Variants in DNAH12 observed in about 807,000 individuals in gnomAD.
DNAH12 encodes axonemal beta dynein heavy chain 12.
DNAH12 carries 285 observed loss-of-function variants against 371.5 expected under a neutral mutation model. The ratio of observed to expected loss-of-function variants is 0.77; its 90% confidence interval spans 0.70 to 0.85. The LOEUF (loss-of-function observed/expected upper bound fraction) is 0.85, where lower values mean the gene tolerates loss of function less well. Ranked by LOEUF, DNAH12 falls within the 40% of genes least tolerant of loss-of-function variation. The pLI, the probability that DNAH12 is intolerant of heterozygous loss-of-function variation, is 0.00. For synonymous variants in DNAH12, 1,200 were observed against 1,213.0 expected, an observed-to-expected ratio of 0.99 and a Z score of 0.22; for missense variants, 3,611 against 3,689.4, an observed-to-expected ratio of 0.98 and a Z score of 0.55.
intron 32 of DNAH12, among the ~76,000 whole-genome samples, chr3:57,432,903 T>C (rs896579570): frequency 6.6e-5 from 10 of 151,738 alleles, no homozygotes; most frequent in Admixed American, 5.9e-4. Flanking sequence ...TTATACCTTA[T>C]ATATGTTGTC....
intron 13 of DNAH12, among the ~76,000 whole-genome samples, chr3:57,481,039 TA>T (rs1475836869): frequency 1.3e-5 from 2 of 152,166 alleles, no homozygotes; most frequent in Non-Finnish European, 2.9e-5. Flanking sequence ...TCACCACTCC[TA>T]TTCAACAAAG....
At position 57,309,221 on chromosome 3, in the gene DNAH12, G is replaced by T. The variant is rs776618725; in HGVS notation, c.11119C>A (p.Arg3707=). The change falls in exon 69 of 74, where the codon CGG becomes AGG. Residue 3707 remains arginine (R), a synonymous_variant. Transcript: ENST00000495027. ...TCTTCATATCTCACAGGATACTTCC[G>T]TAGTGCCATTTCAATGTCGAAATCA... The part of the protein sequence containing the change: ...PSDFDIEMAL[R]KYPVRYEESM... 6.5e-7 allele frequency: 1 copy of T among 1,549,578 alleles called. No individual in the cohort carries two copies. The highest frequency in any genetic ancestry group is 8.7e-7 in the Non-Finnish European group (1 of 1,146,538).
intron 34 of DNAH12, 129 bp downstream of exon 34, chr3:57,428,504 C>T (rs569433261): frequency 6.6e-6 from 10 of 1,526,666 alleles, no homozygotes; most frequent in Admixed American, 4.6e-5. Flanking sequence ...ATAAAACCAA[C>T]GGTGGATAGT....
At chr3:57,400,294 A>C (rs1420172739) in intron 43 of DNAH12, among the ~76,000 whole-genome samples, 2 of 152,184 alleles carry the variant, frequency 1.3e-5, no homozygotes, top group Admixed American at 6.5e-5. Context: ...TAAAAAAAAA[A>C]ATTATATGTG....
chr3:57,432,565 T>C (rs546883581), intron 32 of DNAH12, among the ~76,000 whole-genome samples: 3 of 152,260 alleles, frequency 2.0e-5, no homozygotes, highest in South Asian at 4.2e-4. Context: ...TAATCTGTGA[T>C]ATATTCACAC....
chr3:57,324,601 C>T (rs892995387), intron 62 of DNAH12, among the ~76,000 whole-genome samples: 4 of 152,070 alleles, frequency 2.6e-5, no homozygotes, highest in Admixed American at 6.6e-5. Context: ...CCAAGATGGC[C>T]GAATAGGAAC....
chr3:57,471,230 T>G (rs570355262), intron 15 of DNAH12, among the ~76,000 whole-genome samples: 33 of 151,902 alleles, frequency 2.2e-4, no homozygotes, highest in Non-Finnish European at 3.4e-4. Flanking sequence ...GGCACATGCC[T>G]GTTAGTCCCA....
intron 60 of DNAH12, among the ~76,000 whole-genome samples, chr3:57,349,667 C>A (rs1012981147): frequency 6.6e-6 from 1 of 152,026 alleles, no homozygotes; most frequent in Non-Finnish European, 1.5e-5. Context: ...TTCGCAGCAA[C>A]CTGGATGGAA....
At chr3:57,507,387 C>A (rs1480347249) in intron 8 of DNAH12, among the ~76,000 whole-genome samples, 1 of 152,034 alleles carries the variant, frequency 6.6e-6, no homozygotes, top group Non-Finnish European at 1.5e-5. Flanking sequence ...CCAAATAAAG[C>A]TATAATTAAC....
Position 57,471,612 on chromosome 3 carries a change from T to A in DNAH12, c.1777-6A>T. ...TGTTTAGCATTCTCAATTAGCTTTT[T>A]AAAAGACAATTTGATCATGTTAGTT... On this transcript the variant is annotated splice_region_variant and splice_polypyrimidine_tract_variant and intron_variant, in intron 14 of 73. Transcript: ENST00000495027. 1 of 1,525,628 alleles carries A rather than the reference T, an allele frequency of 6.6e-7. No individual in the cohort carries two copies. The highest frequency in any genetic ancestry group is 8.8e-7 in the Non-Finnish European group (1 of 1,137,744). The allele number at this position is 1,525,628 out of a possible 1,614,324, so 94.5% of individuals were successfully genotyped here.
rs562343761 is a variant in DNAH12 at position 57,438,918 on chromosome 3, C to CGAAAAAAAA, written c.4546-1859_4546-1858insTTTTTTTTC. ...CAACAGAGTGAAACTCTGTCTCAGA[C>CGAAAAAAAA]AAAAAAAAAAAAAAGGAAAGCAACT... On this transcript the variant is annotated intron_variant, in intron 29 of 73. Coordinates refer to ENST00000495027, the MANE Select transcript of DNAH12 (RefSeq NM_001366028.2). Among the ~76,000 whole-genome samples the CGAAAAAAAA allele has an allele frequency of 8.1e-4, 77 of 94,508 alleles. 3 individuals are homozygous for CGAAAAAAAA. The highest frequency in any genetic ancestry group is 7.5e-3 in the Middle Eastern group (1 of 134). The allele number at this position is 94,508 out of a possible 152,430, so 62.0% of individuals were successfully genotyped here. A position where few individuals can be genotyped will look rare whatever the true frequency, so the allele number is the denominator to read the frequency against.
At chr3:57,330,955 A>C (rs984982129) in intron 62 of DNAH12, among the ~76,000 whole-genome samples, 2 of 152,198 alleles carry the variant, frequency 1.3e-5, no homozygotes, top group African/African-American at 4.8e-5. Flanking sequence ...GAACAGAGGG[A>C]AACAAGTAGA....
chr3:57,337,008 A>G (rs2153309863), intron 60 of DNAH12, among the ~76,000 whole-genome samples: 1 of 152,306 alleles, frequency 6.6e-6, no homozygotes, highest in South Asian at 2.1e-4. Context: ...CCTACATGAA[A>G]CTCACCTCAC....
intron 28 of DNAH12, 87 bp downstream of exon 28, chr3:57,445,087 A>G (rs2065440455): frequency 3.6e-6 from 5 of 1,381,890 alleles, no homozygotes; most frequent in Non-Finnish European, 4.8e-6. Context: ...AACCCTCTCA[A>G]GTGCCTATTT....
intron 12 of DNAH12, among the ~76,000 whole-genome samples, chr3:57,485,662 G>A (rs186022416): frequency 1.2e-4 from 18 of 152,058 alleles, no homozygotes; most frequent in African/African-American, 1.7e-4. Flanking sequence ...GCCTCCCAAA[G>A]TGCTGGAATT....
chr3:57,371,941 C>CAAAAA (rs1169602185), intron 55 of DNAH12, among the ~76,000 whole-genome samples: 19 of 25,818 alleles, frequency 7.4e-4, no homozygotes, highest in Admixed American at 2.0e-3. Context: ...CTAAACTCAG[C>CAAAAA]AAAAAAAAAA....
intron 69 of DNAH12, among the ~76,000 whole-genome samples, chr3:57,303,933 T>C (rs538985218): frequency 2.0e-5 from 3 of 152,276 alleles, no homozygotes; most frequent in Admixed American, 6.5e-5. Context: ...CCTTAACTGA[T>C]GCCATTCCAC....
chr3:57,320,251 C>T (rs1022104181), intron 65 of DNAH12, among the ~76,000 whole-genome samples: 2 of 152,264 alleles, frequency 1.3e-5, no homozygotes, highest in South Asian at 4.2e-4. Context: ...GAAATTTTTA[C>T]ATGTTTTTAT....
intron 60 of DNAH12, among the ~76,000 whole-genome samples, chr3:57,344,783 G>C (rs1438962453): frequency 6.6e-6 from 1 of 152,100 alleles, no homozygotes; most frequent in African/African-American, 2.4e-5. Context: ...GTATACTAGA[G>C]GCTGGGAAAC....
Sources: allele counts gnomAD v4.1 joint callset (sites outside exome capture counted in the v4.1 genomes callset), GRCh38; gene constraint gnomAD v4.1.1; transcripts MANE v1.5; gene names NCBI Gene and HGNC (gene_info 2026-07-23, HGNC 2026-07-21).